Variants in KIDINS220 observed in about 807,000 individuals in gnomAD.
The protein encoded by KIDINS220 is kinase D interacting substrate 220.
KIDINS220 carries 63 observed loss-of-function variants against 157.6 expected under a neutral mutation model. That is an observed-to-expected ratio of 0.40 (90% CI 0.33 to 0.49). The LOEUF (loss-of-function observed/expected upper bound fraction) is 0.49. Ranked by LOEUF, KIDINS220 falls within the 20% of genes least tolerant of loss-of-function variation. The pLI is 0.66. For synonymous variants in KIDINS220, 732 were observed against 783.6 expected (o/e 0.93, Z 1.10); for missense variants, 1,772 against 2,171.2 (o/e 0.82, Z 3.65).
chr2:8,765,485 T>A (rs1669356380), intron 22 of KIDINS220, among the ~76,000 whole-genome samples: 1 of 151,776 alleles, frequency 6.6e-6, no homozygotes, highest in Non-Finnish European at 1.5e-5. Context: ...TGGCTATAAA[T>A]CCATCATTAA....
intron 26 of KIDINS220, among the ~76,000 whole-genome samples, chr2:8,745,131 T>C (rs908654709): frequency 1.3e-5 from 2 of 152,236 alleles, no homozygotes; most frequent in Non-Finnish European, 2.9e-5. Flanking sequence ...TTCTTGAGCA[T>C]GGGAATAGCT....
chr2:8,775,780 A>C (rs1427528199), intron 21 of KIDINS220, among the ~76,000 whole-genome samples: 2 of 152,084 alleles, frequency 1.3e-5, no homozygotes, highest in African/African-American at 4.8e-5. Context: ...AGGGAGCAAC[A>C]ATCTGTGTGT....
intron 26 of KIDINS220, among the ~76,000 whole-genome samples, chr2:8,739,001 C>A (rs1665262523): frequency 6.6e-6 from 1 of 152,066 alleles, no homozygotes; most frequent in African/African-American, 2.4e-5. Flanking sequence ...CTAAAAACGA[C>A]AAGTATAATA....
At chr2:8,818,147 T>C (rs979909206) in intron 3 of KIDINS220, among the ~76,000 whole-genome samples, 5 of 152,182 alleles carry the variant, frequency 3.3e-5, no homozygotes, top group African/African-American at 1.2e-4. Context: ...AACCATGTGA[T>C]AAAGAACTAT....
intron 17 of KIDINS220, 63 bp from the exon 18 acceptor site, chr2:8,779,877 C>T (rs1346918735): frequency 1.3e-6 from 2 of 1,547,684 alleles, no homozygotes; most frequent in Non-Finnish European, 1.8e-6. Flanking sequence ...AAACATATTT[C>T]TTAGAAAGCG....
Position 8,733,637 on chromosome 2 carries a change from T to C in KIDINS220, c.3860A>G (p.Asp1287Gly), listed in dbSNP as rs748894348. 6.2e-7 allele frequency: 1 copy of C among 1,604,160 alleles called. No homozygotes were observed. Among genetic ancestry groups the C allele is most frequent in the East Asian group, 2.2e-5 (1 of 44,538 alleles). Residue 1287 changes from aspartate (D) to glycine (G), a missense_variant, in exon 29 of 30, where the codon GAC (aspartate) becomes GGC (glycine). By Grantham distance (94) the Asp-to-Gly change is moderately conservative (BLOSUM62 -1). Coordinates refer to ENST00000256707, the MANE Select transcript of KIDINS220 (RefSeq NM_020738.4). ...RNAESHVVPEDPRFLSESSSG... is the reference protein window; with the variant it reads ...RNAESHVVPEGPRFLSESSSG... ...GCTGCTCTCACTGAGGAAACGTGGG[T>C]CTTCAGGGACCACGTGGCTTTCTGC...
intron 2 of KIDINS220, among the ~76,000 whole-genome samples, chr2:8,824,770 C>A (rs1572818840): frequency 6.6e-6 from 1 of 152,126 alleles, no homozygotes. Flanking sequence ...ATGGAAGCAA[C>A]CCAAATTTCT....
chr2:8,812,450 G>A lies in KIDINS220; in HGVS notation c.449C>T (p.Ala150Val). The A allele has an allele frequency of 6.3e-7, 1 of 1,598,434 alleles. No homozygotes were observed. ...PIIWAAGRGH[A>V]DIVHLLLQNG... Reference sequence around the variant, plus strand: ...TTGCAGTAAAAGATGAACTATATCTGCATGGCCTCTCCCTGCTGCCCAAAT... The same window carrying A: ...TTGCAGTAAAAGATGAACTATATCTACATGGCCTCTCCCTGCTGCCCAAAT... Residue 150 changes from alanine (A) to valine (V), a missense_variant, in exon 6 of 30, where the codon GCA becomes GTA. By Grantham distance (64) the Ala-to-Val change is moderately conservative. Transcript: ENST00000256707.
Position 8,728,909 on chromosome 2 carries a change from T to C in KIDINS220, c.*1811A>G. On this transcript the variant is annotated 3_prime_UTR_variant, in exon 30 of 30. Transcript: ENST00000256707. ...TCAAAATGTGAATCATCATAGTGAA[T>C]AAAAATTCATGAGTCAGAATAGCAT... 1 of 982,374 alleles carries C rather than the reference T, an allele frequency of 1.0e-6. No individual in the cohort carries two copies. The highest frequency in any genetic ancestry group is 1.2e-6 in the Non-Finnish European group (1 of 826,776). The allele number at this position is 982,374 out of a possible 1,614,324, so 60.9% of individuals were successfully genotyped here. A position where few individuals can be genotyped will look rare whatever the true frequency, so the allele number is the denominator to read the frequency against.
chr2:8,815,129 G>A (rs1342780165), intron 4 of KIDINS220, among the ~76,000 whole-genome samples: 2 of 152,136 alleles, frequency 1.3e-5, no homozygotes, highest in Non-Finnish European at 2.9e-5. Flanking sequence ...AGCCAGGCAT[G>A]GTGGCTCATG....
chr2:8,765,632 G>A (rs1000960895), intron 22 of KIDINS220, among the ~76,000 whole-genome samples: 9 of 152,136 alleles, frequency 5.9e-5, no homozygotes, highest in Admixed American at 2.0e-4. Context: ...CAGGACTGTA[G>A]GTGAGGTTAT....
chr2:8,753,372 T>G (rs1472889040), intron 22 of KIDINS220, among the ~76,000 whole-genome samples: 1 of 152,112 alleles, frequency 6.6e-6, no homozygotes, highest in Non-Finnish European at 1.5e-5. Context: ...CAGAGCAAGG[T>G]TTGCTGTGAA....
chr2:8,776,980 CAA>C, intron 20 of KIDINS220, 88 bp from the exon 21 acceptor site: 2 of 1,251,298 alleles, frequency 1.6e-6, no homozygotes, highest in Non-Finnish European at 2.1e-6. Context: ...ATGTTTATAA[CAA>C]AAAAAAAATC....
chr2:8,768,426 G>A (rs1469022797), intron 22 of KIDINS220, among the ~76,000 whole-genome samples: 2 of 152,062 alleles, frequency 1.3e-5, no homozygotes, highest in African/African-American at 2.4e-5. Flanking sequence ...TCCAGTGTTA[G>A]TATCAAATGT....
intron 22 of KIDINS220, among the ~76,000 whole-genome samples, chr2:8,758,320 G>GA (rs1455029598): frequency 2.0e-5 from 3 of 152,032 alleles, no homozygotes; most frequent in Non-Finnish European, 2.9e-5. Flanking sequence ...AAACACACTG[G>GA]AAAAAATACT....
At chr2:8,756,358 T>C (rs994034620) in intron 22 of KIDINS220, among the ~76,000 whole-genome samples, 1 of 152,250 alleles carries the variant, frequency 6.6e-6, no homozygotes, top group Admixed American at 6.5e-5. Context: ...TTAGCTCTAA[T>C]AGCTTTCTGT....
chr2:8,779,013 A>G lies in KIDINS220; in HGVS notation c.2497T>C (p.Tyr833His). Residue 833 changes from tyrosine to histidine, a missense_variant, in exon 19 of 30, where the codon TAC (tyrosine) becomes CAC (histidine). Tyr to His is a moderately conservative substitution (Grantham distance 83). Coordinates refer to ENST00000256707, the MANE Select transcript of KIDINS220 (RefSeq NM_020738.4). ...GGCAAGTGGACTATGTTGCGCATGT[A>G]GTCATGGCCATTTATATTTGAATCC... ...LRDSNINGHDYMRNIVHLPVF... is the reference protein window; with the variant it reads ...LRDSNINGHDHMRNIVHLPVF... 1 of 1,614,154 alleles carries G rather than the reference A, an allele frequency of 6.2e-7. No homozygotes were observed. Among genetic ancestry groups the G allele is most frequent in the Non-Finnish European group, 8.5e-7 (1 of 1,180,034 alleles).
Position 8,785,755 on chromosome 2 carries a change from C to T in KIDINS220, c.2215G>A (p.Glu739Lys). ...TGAGTGCTTACTTTCATGAATCCTT[C>T]ACTTTTCAATTTGTGCAGTTTGGAG... ...AASKLHKLKS[E>K]GFMKVLKCEV... The change falls in exon 17 of 30, where the codon GAA (glutamate) becomes AAA (lysine). Residue 739 changes from glutamate (E) to lysine (K), a missense_variant. By Grantham distance (56) the Glu-to-Lys change is moderately conservative (BLOSUM62 1). Transcript: ENST00000256707. 1 of 1,606,970 alleles carries T rather than the reference C, an allele frequency of 6.2e-7. No homozygotes were observed. The highest frequency in any genetic ancestry group is 8.5e-7 in the Non-Finnish European group (1 of 1,178,154).
chr2:8,742,833 C>CA (rs55707928), intron 26 of KIDINS220, among the ~76,000 whole-genome samples: 71,406 of 152,066 alleles, frequency 0.47, 19,274 homozygotes, highest in Non-Finnish European at 0.6. Context: ...GCTGATCACA[C>CA]AAGCATCGGT....
Sources: allele counts gnomAD v4.1 joint callset (sites outside exome capture counted in the v4.1 genomes callset), GRCh38; gene constraint gnomAD v4.1.1; transcripts MANE v1.5; gene names NCBI Gene and HGNC (gene_info 2026-07-23, HGNC 2026-07-21).